The following NEK10 variants were observed in gnomAD, a reference collection of about 807,000 sequenced individuals.
NEK10 encodes the protein NIMA related kinase 10, also known as serine/threonine-protein kinase Nek10.
NEK10 carries 122 observed loss-of-function variants against 159.8 expected under a neutral mutation model. The observed-to-expected ratio is 0.76, with a 90% CI of 0.66 to 0.89. The LOEUF is 0.89. Ranked by LOEUF, NEK10 falls within the 40% of genes least tolerant of loss-of-function variation. NEK10 has a pLI of 0.00. For synonymous variants in NEK10, 466 were observed against 457.1 expected, an observed-to-expected ratio of 1.02 and a Z score of -0.25; for missense variants, 1,342 against 1,323.1, an observed-to-expected ratio of 1.01 and a Z score of -0.22.
In NEK10 at chr3:27,185,793, G is replaced by C. The variant is rs1001372591; in HGVS notation, c.2505+6236C>G. Among the ~76,000 whole-genome samples, 10 of 152,256 alleles carry C rather than the reference G, an allele frequency of 6.6e-5. 2 individuals carry two copies. The highest frequency in any genetic ancestry group is 6.5e-4 in the Admixed American group (10 of 15,292). ...TACACACATTCCTTAATGGCCCCTA[G>C]TGGACAGTGCAGAGGTGATATACTG... On this transcript the variant is annotated intron_variant, in intron 26 of 35. Transcript: ENST00000691995.
At chr3:27,156,722 T>A (rs377087253) in intron 30 of NEK10, among the ~76,000 whole-genome samples, 1 of 151,372 alleles carries the variant, frequency 6.6e-6, no homozygotes, top group Non-Finnish European at 1.5e-5. Context: ...ACTAGTACAA[T>A]CACTATGGAA....
At chr3:27,335,298 C>A (rs2046718604) in intron 5 of NEK10, among the ~76,000 whole-genome samples, 1 of 150,712 alleles carries the variant, frequency 6.6e-6, no homozygotes, top group Admixed American at 6.6e-5. Flanking sequence ...CGAGAATGCA[C>A]CATTGCACTC....
At chr3:27,255,207 C>G (rs1044291168) in intron 23 of NEK10, 3 of 282,418 alleles carry the variant, frequency 1.1e-5, no homozygotes, top group Non-Finnish European at 2.2e-5. Context: ...AGTAGGTCAG[C>G]CTTACTGTTA....
At chr3:27,305,159 CTG>C (rs954456062) in intron 11 of NEK10, among the ~76,000 whole-genome samples, 188 bp from the exon 12 acceptor site, 83 of 152,296 alleles carry the variant, frequency 5.4e-4, no homozygotes, top group African/African-American at 1.8e-3. Context: ...ACTGTACAAT[CTG>C]TGTCACAACT....
chr3:27,202,833 C>G (rs563519385), intron 23 of NEK10, among the ~76,000 whole-genome samples: 1 of 152,146 alleles, frequency 6.6e-6, no homozygotes, highest in Non-Finnish European at 1.5e-5. Context: ...AAAGAGCAAG[C>G]CCACTGTGGT....
At chr3:27,275,602 G>C (rs930220811) in intron 22 of NEK10, among the ~76,000 whole-genome samples, 1 of 152,158 alleles carries the variant, frequency 6.6e-6, no homozygotes, top group East Asian at 1.9e-4. Context: ...CAAGTTCAAA[G>C]CAAGGCATGT....
chr3:27,225,624 G>A (rs544782767), intron 23 of NEK10, among the ~76,000 whole-genome samples: 16 of 152,288 alleles, frequency 1.1e-4, no homozygotes, highest in Middle Eastern at 6.8e-3. Flanking sequence ...AAGGCCATAC[G>A]GGGAGGGACA....
chr3:27,235,573 G>C (rs566166428), intron 23 of NEK10, among the ~76,000 whole-genome samples: 2 of 151,970 alleles, frequency 1.3e-5, no homozygotes, highest in East Asian at 3.9e-4. Context: ...GTCATCTCAC[G>C]CCCATCACAA....
At chr3:27,252,279 C>T (rs1222479446) in intron 23 of NEK10, 3 of 480,326 alleles carry the variant, frequency 6.2e-6, no homozygotes, top group Non-Finnish European at 1.3e-5. Context: ...GGCAAGTGAT[C>T]AGGGAAATCC....
At chr3:27,184,177 CG>C (rs1429011784) in intron 26 of NEK10, among the ~76,000 whole-genome samples, 2 of 152,092 alleles carry the variant, frequency 1.3e-5, no homozygotes, top group African/African-American at 2.4e-5. Flanking sequence ...CTGGAGAAAA[CG>C]TAAGTGTTCA....
At chr3:27,190,200 C>A (rs1264716465) in intron 26 of NEK10, among the ~76,000 whole-genome samples, 1 of 152,156 alleles carries the variant, frequency 6.6e-6, no homozygotes, top group East Asian at 1.9e-4. Flanking sequence ...AGTATACAAC[C>A]TCTGGAACAT....
intron 25 of NEK10, among the ~76,000 whole-genome samples, chr3:27,200,246 A>G (rs928021509): frequency 6.6e-6 from 1 of 152,208 alleles, no homozygotes; most frequent in African/African-American, 2.4e-5. Context: ...GGATAAATCA[A>G]AGGGAAAGGG....
At chr3:27,334,063 G>T (rs1457310923) in intron 5 of NEK10, among the ~76,000 whole-genome samples, 1 of 152,146 alleles carries the variant, frequency 6.6e-6, no homozygotes, top group African/African-American at 2.4e-5. Context: ...GCCTAGCCCA[G>T]CTTCACCCTC....
At chr3:27,334,298 T>TA (rs1369077244) in intron 5 of NEK10, among the ~76,000 whole-genome samples, 1 of 152,124 alleles carries the variant, frequency 6.6e-6, no homozygotes. Flanking sequence ...ACTTGGGACT[T>TA]AGAGGTTAGT....
intron 23 of NEK10, among the ~76,000 whole-genome samples, chr3:27,213,786 C>T (rs1268724713): frequency 6.6e-6 from 1 of 152,078 alleles, no homozygotes; most frequent in Non-Finnish European, 1.5e-5. Context: ...GATAGCAGGC[C>T]CTGAAAAAAA....
At chr3:27,359,783 C>A (rs867385505) in intron 1 of NEK10, among the ~76,000 whole-genome samples, 4 of 152,150 alleles carry the variant, frequency 2.6e-5, no homozygotes, top group Non-Finnish European at 4.4e-5. Context: ...TATGTTACGT[C>A]TAAAATTATT....
chr3:27,186,630 A>C (rs1341784508), intron 26 of NEK10, among the ~76,000 whole-genome samples: 1 of 152,220 alleles, frequency 6.6e-6, no homozygotes, highest in Non-Finnish European at 1.5e-5. Context: ...CATGATCATC[A>C]TAACACTATA....
At chr3:27,252,228 T>A (rs753823411) in intron 23 of NEK10, 3 of 502,872 alleles carry the variant, frequency 6.0e-6, no homozygotes. Context: ...GAGGCAAGAC[T>A]ATGAAAAAAT....
At chr3:27,358,509 C>T (rs539800352) in intron 1 of NEK10, among the ~76,000 whole-genome samples, 42 of 152,258 alleles carry the variant, frequency 2.8e-4, no homozygotes, top group African/African-American at 9.6e-4. Flanking sequence ...CTAAAGAAGT[C>T]CCTAGAGAGG....
Sources: gnomAD v4.1 joint callset for allele counts (sites outside exome capture counted in the v4.1 genomes callset) on GRCh38, gnomAD v4.1.1 for gene constraint, MANE v1.5 for transcripts, NCBI Gene and HGNC (gene_info 2026-07-23, HGNC 2026-07-21) for gene names.